DYNAP: variants seen among roughly 807,000 people sequenced by gnomAD.
DYNAP encodes dynactin associated protein, also known as dynactin-associated protein.
Under a neutral mutation model 8.5 loss-of-function variants are expected in DYNAP, and 7 were observed. That is an observed-to-expected ratio of 0.82 (90% CI 0.47 to 1.54). The LOEUF (loss-of-function observed/expected upper bound fraction) is 1.54. Among genes scored for constraint, DYNAP ranks in the 40% most tolerant of loss-of-function variants. DYNAP has a pLI of 0.01. For missense variants in DYNAP, 256 were observed against 224.3 expected, an observed-to-expected ratio of 1.14 and a Z score of -0.90; for synonymous variants, 77 against 77.9, an observed-to-expected ratio of 0.99 and a Z score of 0.06.
At chr18:54,592,033 G>T (rs1230098684) in intron 1 of DYNAP, among the ~76,000 whole-genome samples, 1 of 152,152 alleles carries the variant, frequency 6.6e-6, no homozygotes, top group East Asian at 1.9e-4. Flanking sequence ...TGAAACATGT[G>T]TGAAGAAATA....
intron 1 of DYNAP, among the ~76,000 whole-genome samples, chr18:54,591,595 A>G (rs926683296): frequency 1.3e-5 from 2 of 152,178 alleles, no homozygotes; most frequent in African/African-American, 4.8e-5. Context: ...CATAGGATAT[A>G]CAAATAGATC....
chr18:54,591,363 A>T (rs914888128), intron 1 of DYNAP, 24 bp downstream of exon 1: 1 of 1,590,766 alleles, frequency 6.3e-7, no homozygotes, highest in Non-Finnish European at 8.6e-7. Context: ...CTCCATTTTG[A>T]TAGTTTGCCT....
Position 54,599,345 on chromosome 18 carries a change from A to G in DYNAP, c.*1200A>G, listed in dbSNP as rs1001853546. The stretch of plus-strand genomic sequence containing the variant: ...ATCAGTCATCAAAATAACCTGTTCT[A>G]TATTAAGTTAACTTTTAGTTATCAC... On this transcript the variant is annotated 3_prime_UTR_variant, in exon 3 of 3. Transcript: ENST00000648945. The G allele has an allele frequency of 6.6e-6, 1 of 152,138 alleles. No individual in the cohort carries two copies. Among genetic ancestry groups the G allele is most frequent in the African/African-American group, 2.4e-5 (1 of 41,446 alleles). The allele number at this position is 152,138 out of a possible 1,614,324, so 9.4% of individuals were successfully genotyped here.
At chr18:54,590,687 C>A (rs921188677), upstream of DYNAP, among the ~76,000 whole-genome samples, 1 of 152,082 alleles carries the variant, frequency 6.6e-6, no homozygotes, top group Non-Finnish European at 1.5e-5. Flanking sequence ...AATAAAAAAA[C>A]CCTCTTCTTA....
At chr18:54,583,581 A>T (rs1474232540), upstream of DYNAP, among the ~76,000 whole-genome samples, 2 of 152,236 alleles carry the variant, frequency 1.3e-5, no homozygotes, top group South Asian at 4.1e-4. Context: ...TTCATAGTTT[A>T]CTGAGCAAAA....
chr18:54,587,543 A>AT (rs138940355), upstream of DYNAP, among the ~76,000 whole-genome samples: 1 of 152,162 alleles, frequency 6.6e-6, no homozygotes, highest in East Asian at 1.9e-4. Flanking sequence ...ACACATTAAT[A>AT]TTTTTTGTAA....
upstream of DYNAP, among the ~76,000 whole-genome samples, chr18:54,584,659 G>T (rs1186595318): frequency 3.3e-5 from 5 of 152,168 alleles, no homozygotes; most frequent in Admixed American, 6.6e-5. Context: ...AAGGAGAGTT[G>T]TGATACCTGG....
chr18:54,583,658 TAAC>T (rs1910787756), upstream of DYNAP, among the ~76,000 whole-genome samples: 1 of 152,138 alleles, frequency 6.6e-6, no homozygotes, highest in Admixed American at 6.5e-5. Flanking sequence ...ACAAATAAAA[TAAC>T]AATAAAATTA....
At chr18:54,581,585 G>A in the DYNAP span, among the ~76,000 whole-genome samples, 5 of 152,146 alleles carry the variant, frequency 3.3e-5, no homozygotes, top group African/African-American at 1.2e-4. Flanking sequence ...TCTTACTGGT[G>A]GGTTTGGTGA....
At chr18:54,578,178 A>G in the DYNAP span, among the ~76,000 whole-genome samples, 1 of 152,250 alleles carries the variant, frequency 6.6e-6, no homozygotes, top group East Asian at 1.9e-4. Context: ...CTACTTCAGA[A>G]TCCTCTCATG....
At chr18:54,592,873 G>A (rs1911135911) in intron 1 of DYNAP, among the ~76,000 whole-genome samples, 1 of 152,070 alleles carries the variant, frequency 6.6e-6, no homozygotes, top group Non-Finnish European at 1.5e-5. Context: ...GATTCTAACA[G>A]GGCCAGAAAA....
At chr18:54,583,893 A>G (rs1287861484), upstream of DYNAP, among the ~76,000 whole-genome samples, 1 of 152,102 alleles carries the variant, frequency 6.6e-6, no homozygotes, top group Non-Finnish European at 1.5e-5. Context: ...ACAGATAATA[A>G]TACCTTCCAG....
At chr18:54,580,726 C>G in the DYNAP span, among the ~76,000 whole-genome samples, 1 of 152,188 alleles carries the variant, frequency 6.6e-6, no homozygotes, top group Non-Finnish European at 1.5e-5. Context: ...GTTTAGCTAA[C>G]AGAAATACTT....
intron 1 of DYNAP, among the ~76,000 whole-genome samples, chr18:54,592,586 T>C (rs1911125231): frequency 6.6e-6 from 1 of 152,152 alleles, no homozygotes; most frequent in Non-Finnish European, 1.5e-5. Flanking sequence ...TTATAAAGTT[T>C]GGGTAAAAAA....
intron 1 of DYNAP, among the ~76,000 whole-genome samples, chr18:54,591,874 G>C (rs1031370625): frequency 6.6e-6 from 1 of 152,054 alleles, no homozygotes; most frequent in Non-Finnish European, 1.5e-5. Context: ...CAAGCCTTCA[G>C]TGTATAGTTA....
At chr18:54,580,312 G>C in the DYNAP span, among the ~76,000 whole-genome samples, 1 of 152,180 alleles carries the variant, frequency 6.6e-6, no homozygotes, top group Non-Finnish European at 1.5e-5. Flanking sequence ...GACACCACCT[G>C]TCATGGTCTA....
chr18:54,580,115 G>C, the DYNAP span, among the ~76,000 whole-genome samples: 179 of 152,302 alleles, frequency 1.2e-3, 1 homozygote, highest in Non-Finnish European at 1.7e-3. Flanking sequence ...TGCACTGAAT[G>C]ATATTATTGA....
At chr18:54,594,907 G>A (rs1213118053) in intron 1 of DYNAP, 32 bp from the exon 2 acceptor site, 1 of 1,586,010 alleles carries the variant, frequency 6.3e-7, no homozygotes, top group East Asian at 2.3e-5. Context: ...GGTTTCCTAG[G>A]CTTCCTACTC....
chr18:54,598,132 C>A lies in DYNAP; in HGVS notation c.542C>A (p.Thr181Asn). 1 of 1,608,054 alleles carries A rather than the reference C, an allele frequency of 6.2e-7. No homozygotes were observed. The highest frequency in any genetic ancestry group is 1.1e-5 in the South Asian group (1 of 90,228). The change falls in exon 3 of 3, where the codon ACC becomes AAC. Residue 181 changes from threonine to asparagine, a missense_variant. Coordinates refer to ENST00000648945, the MANE Select transcript of DYNAP (RefSeq NM_173629.3). ...ACAGAACCTATAACTGTTGCACCTA[C>A]CGATCATTTATAATTTGAACAGCCA... Reference protein sequence around the residue: ...TSTEPITVAPTDHL With the variant: ...TSTEPITVAPNDHL
Sources: gnomAD v4.1 joint callset for allele counts (sites outside exome capture counted in the v4.1 genomes callset) on GRCh38, gnomAD v4.1.1 for gene constraint, MANE v1.5 for transcripts, NCBI Gene and HGNC (gene_info 2026-07-23, HGNC 2026-07-21) for gene names.